EYS: variants seen among roughly 807,000 people sequenced by gnomAD.
EYS encodes the protein protein eyes shut homolog.
A neutral mutation model predicts 282.1 loss-of-function variants in EYS; 250 were observed. The observed-to-expected ratio is 0.89, with a 90% CI of 0.80 to 0.98. EYS has a LOEUF of 0.98. Among genes scored for constraint, EYS ranks in the 50% least tolerant of loss-of-function variants. The pLI is 0.00. For synonymous variants in EYS, 1,355 were observed against 1,282.9 expected (o/e 1.06, Z -1.20); for missense variants, 4,016 against 3,709.0 (o/e 1.08, Z -2.15).
At chr6:65,423,727 G>GT (rs1225953196) in intron 5 of EYS, among the ~76,000 whole-genome samples, 1 of 151,680 alleles carries the variant, frequency 6.6e-6, no homozygotes, top group Admixed American at 6.6e-5. Context: ...ACATAATTAG[G>GT]TTACCCTCTC....
At chr6:64,923,327 G>A (rs915263795) in intron 15 of EYS, among the ~76,000 whole-genome samples, 2 of 152,088 alleles carry the variant, frequency 1.3e-5, no homozygotes, top group Non-Finnish European at 2.9e-5. Context: ...ACTATCACGA[G>A]AATAGCACAG....
intron 31 of EYS, among the ~76,000 whole-genome samples, chr6:64,182,975 G>A (rs1179779800): frequency 6.6e-6 from 1 of 152,064 alleles, no homozygotes; most frequent in African/African-American, 2.4e-5. Context: ...ATCTCACCTT[G>A]AATTGTAGTT....
In EYS at chr6:64,307,010, G is replaced by A. The variant is rs1187973861; in HGVS notation, c.6151C>T (p.Pro2051Ser). The change falls in exon 30 of 43, where the codon CCA becomes TCA. Residue 2051 changes from proline (P) to serine (S), a missense_variant. Transcript: ENST00000503581. ...TGATAGTTTTTCACTGCCTTGGATG[G>A]AATGAAAGATCTCCAGTTATTTATT... ...IEINNWRSFI[P>S]SKAVKNYHIN... is the part of the protein sequence containing the mutation. 33 of 1,544,020 alleles carry A rather than the reference G, an allele frequency of 2.1e-5. No individual in the cohort carries two copies. The highest frequency in any genetic ancestry group is 2.8e-5 in the Non-Finnish European group (32 of 1,141,222).
chr6:65,114,748 A>T (rs1775318559), intron 12 of EYS, among the ~76,000 whole-genome samples: 1 of 151,898 alleles, frequency 6.6e-6, no homozygotes, highest in Admixed American at 6.6e-5. Flanking sequence ...AAGTGATTTC[A>T]TCCACTATTA....
At chr6:63,989,955 A>T in intron 34 of EYS, among the ~76,000 whole-genome samples, 1 of 151,568 alleles carries the variant, frequency 6.6e-6, no homozygotes, top group Non-Finnish European at 1.5e-5. Context: ...TTCACAGTTA[A>T]TATTTGATTC....
At chr6:64,120,759 G>A (rs1773559829) in intron 31 of EYS, among the ~76,000 whole-genome samples, 2 of 152,120 alleles carry the variant, frequency 1.3e-5, no homozygotes, top group African/African-American at 4.8e-5. Flanking sequence ...ATATAAGTTT[G>A]TGAGTACATT....
chr6:64,443,177 G>A (rs1331434198), intron 26 of EYS, among the ~76,000 whole-genome samples: 1 of 152,206 alleles, frequency 6.6e-6, no homozygotes, highest in Non-Finnish European at 1.5e-5. Context: ...TGGAGTCAAA[G>A]GAGATCATTT....
chr6:64,856,227 A>G (rs1766054109), intron 19 of EYS, among the ~76,000 whole-genome samples: 1 of 152,160 alleles, frequency 6.6e-6, no homozygotes, highest in African/African-American at 2.4e-5. Flanking sequence ...CATCTCCACC[A>G]GAAATAAATG....
intron 29 of EYS, among the ~76,000 whole-genome samples, chr6:64,358,963 A>AT (rs1276093808): frequency 6.6e-6 from 1 of 151,646 alleles, no homozygotes; most frequent in African/African-American, 2.4e-5. Flanking sequence ...ACAATATCCT[A>AT]TTTTTCCTAT....
rs114443465 is a variant in EYS, at chr6:63,815,746, A to T, written c.7229-9374T>A. On this transcript the variant is annotated intron_variant, in intron 36 of 42. Transcript: ENST00000503581. ...AATAAATAAAAAACTGGTTTAAAAG[A>T]TCCATATGTCCTTAAAGGTTTCTAA... 6.4e-3 allele frequency among the ~76,000 whole-genome samples: 970 copies of T among 152,334 alleles called. 2 individuals are homozygous for T. The highest frequency in any genetic ancestry group is 9.4e-3 in the Non-Finnish European group (641 of 68,032).
intron 29 of EYS, among the ~76,000 whole-genome samples, chr6:64,367,369 C>T (rs1162565): frequency 0.77 from 117,192 of 151,862 alleles, 46,073 homozygotes; most frequent in African/African-American, 0.94. Context: ...AAACCCACAA[C>T]TAAAAAAATT....
intron 35 of EYS, among the ~76,000 whole-genome samples, chr6:63,962,617 C>T (rs944650863): frequency 5.9e-5 from 9 of 151,952 alleles, no homozygotes; most frequent in African/African-American, 1.2e-4. Flanking sequence ...ACAACAGGTG[C>T]GGAGAGGATG....
At position 63,789,213 on chromosome 6, in the gene EYS, C is replaced by G. The variant is rs140594243; in HGVS notation, c.7423G>C (p.Asp2475His). Residue 2475 changes from aspartate to histidine, a missense_variant, in exon 38 of 43, where the codon GAT becomes CAT. Asp to His is a moderately conservative substitution (Grantham distance 81). Coordinates refer to ENST00000503581, the MANE Select transcript of EYS (RefSeq NM_001142800.2). ...TGQKGHGLNG[D>H]DFLAVGLLNG... ...AGCAGGCCCACAGCCAGGAAGTCAT[C>G]GCCATTCAACCCTGGAATGAGAAGA... 7.7e-6 allele frequency: 12 copies of G among 1,551,592 alleles called. No individual in the cohort carries two copies. Among genetic ancestry groups the G allele is most frequent in the Non-Finnish European group, 1.0e-5 (12 of 1,146,852 alleles).
At chr6:64,203,007 C>T (rs1252978727) in intron 31 of EYS, among the ~76,000 whole-genome samples, 3 of 152,178 alleles carry the variant, frequency 2.0e-5, no homozygotes, top group Non-Finnish European at 4.4e-5. Context: ...TAATTTGTTA[C>T]AGTAGCCCTC....
Position 65,689,054 on chromosome 6 carries a change from G to T in EYS, c.-448+18081C>A, listed in dbSNP as rs191692688. ...TACCCAAAGGATTATAAATCTTGCT[G>T]CTATAAAGACACATGTGCATGTATG... On this transcript the variant is annotated intron_variant, in intron 1 of 42. Transcript: ENST00000503581. Among the ~76,000 whole-genome samples, 84 of 150,170 alleles carry T rather than the reference G, an allele frequency of 5.6e-4. 2 individuals carry two copies. The highest frequency in any genetic ancestry group is 1.8e-3 in the African/African-American group (75 of 41,292).
At chr6:64,673,049 AC>A (rs754894647) in intron 22 of EYS, among the ~76,000 whole-genome samples, 3 of 152,136 alleles carry the variant, frequency 2.0e-5, no homozygotes, top group African/African-American at 7.2e-5. Flanking sequence ...TTAAAGCTAT[AC>A]TGAGGAATGT....
intron 5 of EYS, among the ~76,000 whole-genome samples, chr6:65,444,278 T>C (rs1002747823): frequency 2.1e-4 from 32 of 152,170 alleles, no homozygotes; most frequent in African/African-American, 6.3e-4. Context: ...ATACTAAATT[T>C]TGGCTTTGTG....
At chr6:65,004,771 A>G (rs1771586715) in intron 13 of EYS, among the ~76,000 whole-genome samples, 1 of 147,714 alleles carries the variant, frequency 6.8e-6, no homozygotes, top group African/African-American at 2.4e-5. Flanking sequence ...ATTCTCTTCC[A>G]TATTATCATT....
chr6:64,667,337 T>G (rs1399162872), intron 22 of EYS, among the ~76,000 whole-genome samples: 1 of 151,980 alleles, frequency 6.6e-6, no homozygotes, highest in African/African-American at 2.4e-5. Flanking sequence ...GATGTCCTGA[T>G]GGCAGAATCC....
Sources: gnomAD v4.1 joint callset for allele counts (sites outside exome capture counted in the v4.1 genomes callset) on GRCh38, gnomAD v4.1.1 for gene constraint, MANE v1.5 for transcripts, NCBI Gene and HGNC (gene_info 2026-07-23, HGNC 2026-07-21) for gene names.